AZI2: variants seen among roughly 807,000 people sequenced by gnomAD.
AZI2 encodes 5-azacytidine-induced protein 2.
Under a neutral mutation model 45.8 loss-of-function variants are expected in AZI2, and 22 were observed. The ratio of observed to expected loss-of-function variants is 0.48; its 90% CI spans 0.34 to 0.69. AZI2 has a LOEUF of 0.69. Among genes scored for constraint, AZI2 ranks in the 30% least tolerant of loss-of-function variants. The pLI is 0.01. For missense variants in AZI2, 417 were observed against 441.5 expected (o/e 0.94, Z 0.50); for synonymous variants, 137 against 156.7 (o/e 0.87, Z 0.94).
chr3:28,341,222 G>A (rs1704005858), intron 1 of AZI2, among the ~76,000 whole-genome samples: 1 of 151,910 alleles, frequency 6.6e-6, no homozygotes, highest in African/African-American at 2.4e-5. Context: ...CCACTATAAT[G>A]CACTACATTC....
chr3:28,338,464 C>T, intron 3 of AZI2, 29 bp downstream of exon 3: 1 of 1,497,012 alleles, frequency 6.7e-7, no homozygotes, highest in Non-Finnish European at 9.0e-7. Flanking sequence ...TTCCAAAATG[C>T]AGATGTCATT....
intron 5 of AZI2, among the ~76,000 whole-genome samples, chr3:28,335,389 G>T (rs536293408): frequency 6.6e-6 from 1 of 151,938 alleles, no homozygotes; most frequent in South Asian, 2.1e-4. Flanking sequence ...AGGCTTCTCA[G>T]TGGTGATGGT....
Position 28,324,066 on chromosome 3 carries a change from AT to A in AZI2, c.1154del (p.Asn385IlefsTer41), listed in dbSNP as rs774761931. The A allele has an allele frequency of 4.4e-6, 7 of 1,608,952 alleles. No individual in the cohort carries two copies. The highest frequency in any genetic ancestry group is 5.9e-6 in the Non-Finnish European group (7 of 1,176,628). On this transcript the variant is annotated frameshift_variant, in exon 8 of 8. Coordinates refer to ENST00000479665, the MANE Select transcript of AZI2 (RefSeq NM_022461.5). LOFTEE classifies it high-confidence loss of function. Reference sequence around the variant, plus strand: ...ATTAATTCTTATAAAGGCAGTTCTGATTATGTTGATCCAAGTAATGCAGTGG... The same window carrying A: ...ATTAATTCTTATAAAGGCAGTTCTGATATGTTGATCCAAGTAATGCAGTGG... ...LPPLHYLDQH[N>X]QNCLYKN
chr3:28,326,768 G>T, intron 7 of AZI2, 64 bp downstream of exon 7: 1 of 1,155,640 alleles, frequency 8.7e-7, no homozygotes, highest in Non-Finnish European at 1.3e-6. Flanking sequence ...GATAAGATAT[G>T]ACAGCTAGTT....
rs977280599 is a variant in AZI2 at position 28,344,205 on chromosome 3, A to G, written c.-5-3583T>C. Among the ~76,000 whole-genome samples, 7 of 152,176 alleles carry G rather than the reference A, an allele frequency of 4.6e-5. No individual in the cohort carries two copies. In the East Asian group the frequency reaches 9.6e-4, roughly 21 times the overall value. ...CTTTTATTGTTTTAAAATAACTGTC[A>G]TTTAAATTTGTTATAAAATGGAAAA... On this transcript the variant is annotated intron_variant, in intron 1 of 7. Transcript: ENST00000479665.
At chr3:28,331,798 T>A (rs1373410594) in intron 6 of AZI2, 2 of 1,527,900 alleles carry the variant, frequency 1.3e-6, no homozygotes, top group Non-Finnish European at 1.8e-6. Context: ...TGAAGTTACT[T>A]AAGTAAAAAT....
chr3:28,343,552 C>T (rs1258949067), intron 1 of AZI2, among the ~76,000 whole-genome samples: 3 of 150,868 alleles, frequency 2.0e-5, no homozygotes, highest in African/African-American at 7.3e-5. Context: ...TTTTTTAATT[C>T]ACAACCAGTG....
At chr3:28,333,416 C>CACAT (rs1258460875) in intron 5 of AZI2, among the ~76,000 whole-genome samples, 30 of 151,746 alleles carry the variant, frequency 2.0e-4, no homozygotes, top group African/African-American at 6.8e-4. Context: ...ACTAACGAGA[C>CACAT]ACATGTCCTT....
chr3:28,347,144 A>G (rs1704274119), intron 1 of AZI2, among the ~76,000 whole-genome samples: 1 of 152,204 alleles, frequency 6.6e-6, no homozygotes, highest in Admixed American at 6.5e-5. Flanking sequence ...TCTAACAGTG[A>G]TAAGGCAACT....
Position 28,339,461 on chromosome 3 carries a change from C to A in AZI2, c.217-846G>T, listed in dbSNP as rs985620685. Among the ~76,000 whole-genome samples, 6 of 147,986 alleles carry A rather than the reference C, an allele frequency of 4.1e-5. No individual in the cohort carries two copies. The South Asian group carries it at 6.3e-4, about 16-fold the overall frequency. ...TAAAGCTATGTGCCCCAAAATGTTA[C>A]CTTCTCTCACTGTATGCCAATATGT... On this transcript the variant is annotated intron_variant, in intron 2 of 7. Coordinates refer to ENST00000479665, the MANE Select transcript of AZI2 (RefSeq NM_022461.5).
At chr3:28,335,272 C>A (rs531952797) in intron 5 of AZI2, among the ~76,000 whole-genome samples, 1 of 151,958 alleles carries the variant, frequency 6.6e-6, no homozygotes, top group Non-Finnish European at 1.5e-5. Flanking sequence ...ATATCTATCA[C>A]GTATAAAGGC....
chr3:28,321,735 T>C lies in AZI2; in HGVS notation c.*2307A>G, dbSNP rs1169559727. ...TTTCCCATTTATTTTGGTTTTCTAA[T>C]GTTTCACATAGGCATGTTCCTGCTT... On this transcript the variant is annotated 3_prime_UTR_variant, in exon 8 of 8. Coordinates refer to ENST00000479665, the MANE Select transcript of AZI2 (RefSeq NM_022461.5). 1 of 151,348 alleles carries C rather than the reference T, an allele frequency of 6.6e-6. No homozygotes were observed. The highest frequency in any genetic ancestry group is 2.4e-5 in the African/African-American group (1 of 41,362). 9.4% of individuals were successfully genotyped at this position (151,348 alleles called of 1,614,324 possible).
chr3:28,321,712 T>A lies in AZI2; in HGVS notation c.*2330A>T, dbSNP rs1342448913. 2 of 151,362 alleles carry A rather than the reference T, an allele frequency of 1.3e-5. No individual in the cohort carries two copies. The highest frequency in any genetic ancestry group is 3.9e-4 in the East Asian group (2 of 5,154). The allele number at this position is 151,362 out of a possible 1,614,324, so 9.4% of individuals were successfully genotyped here. ...GATTCAGCTCTTCAAGTCTGAATTT[T>A]CCCATTTATTTTGGTTTTCTAATGT... is the stretch of plus-strand genomic sequence containing the variant. On this transcript the variant is annotated 3_prime_UTR_variant, in exon 8 of 8. Coordinates refer to ENST00000479665, the MANE Select transcript of AZI2 (RefSeq NM_022461.5).
At chr3:28,327,847 T>C (rs1703439361) in intron 6 of AZI2, among the ~76,000 whole-genome samples, 1 of 150,618 alleles carries the variant, frequency 6.6e-6, no homozygotes. Flanking sequence ...GACTAAATCT[T>C]ATAACATTAA....
In AZI2 at chr3:28,321,966, A is replaced by G. The variant is rs555701762; in HGVS notation, c.*2076T>C. 20 of 151,384 alleles carry G rather than the reference A, an allele frequency of 1.3e-4. No homozygotes were observed. The highest frequency in any genetic ancestry group is 4.6e-4 in the Admixed American group (7 of 15,124). The allele number at this position is 151,384 out of a possible 1,614,324, so 9.4% of individuals were successfully genotyped here. ...AAGCTCTTTAGAGCAAGTTTCAGCT[A>G]GTATGAAAGAAGTCAACATAAAATA... On this transcript the variant is annotated 3_prime_UTR_variant, in exon 8 of 8. Transcript: ENST00000479665.
chr3:28,340,249 A>G (rs1406469421), intron 2 of AZI2, among the ~76,000 whole-genome samples, 153 bp downstream of exon 2: 1 of 152,126 alleles, frequency 6.6e-6, no homozygotes, highest in Non-Finnish European at 1.5e-5. Context: ...AACACAGGAT[A>G]AGTATAATGC....
chr3:28,326,644 C>A, intron 7 of AZI2, 188 bp downstream of exon 7: 1 of 626,738 alleles, frequency 1.6e-6, no homozygotes, highest in Non-Finnish European at 2.9e-6. Flanking sequence ...ACATCAGCAA[C>A]ACCTTTATGT....
chr3:28,340,832 A>C (rs1041108062), intron 1 of AZI2, among the ~76,000 whole-genome samples: 40 of 152,066 alleles, frequency 2.6e-4, no homozygotes, highest in Non-Finnish European at 5.2e-4. Flanking sequence ...AAAGTACAAG[A>C]AATAACAGCA....
chr3:28,330,452 C>A (rs1436496304), intron 6 of AZI2, among the ~76,000 whole-genome samples: 1 of 151,206 alleles, frequency 6.6e-6, no homozygotes, highest in Non-Finnish European at 1.5e-5. Context: ...ATACTTTCTC[C>A]AATATAGTAA....
Sources: allele counts gnomAD v4.1 joint callset (sites outside exome capture counted in the v4.1 genomes callset), GRCh38; gene constraint gnomAD v4.1.1; transcripts MANE v1.5; gene names NCBI Gene and HGNC (gene_info 2026-07-23, HGNC 2026-07-21).